Variants in LAMC1 observed in about 807,000 individuals in gnomAD.
LAMC1 encodes laminin subunit gamma 1.
Under a neutral mutation model 173.6 loss-of-function variants are expected in LAMC1, and 38 were observed. The ratio of observed to expected loss-of-function variants is 0.22; its 90% confidence interval spans 0.17 to 0.29. The LOEUF (loss-of-function observed/expected upper bound fraction) is 0.29. LAMC1 is among the 10% of genes least tolerant of loss of function. LAMC1 has a pLI of 1.00. For synonymous variants in LAMC1, 746 were observed against 749.1 expected (o/e 1.00, Z 0.07); for missense variants, 1,824 against 2,051.8 (o/e 0.89, Z 2.14).
intron 1 of LAMC1, among the ~76,000 whole-genome samples, chr1:183,073,611 A>G (rs1008373473): frequency 1.3e-5 from 2 of 152,224 alleles, no homozygotes; most frequent in African/African-American, 4.8e-5. Context: ...GTTAAGGTCA[A>G]GCCAGTTTGG....
intron 2 of LAMC1, 22 bp downstream of exon 2, chr1:183,103,654 T>A: frequency 6.6e-7 from 1 of 1,522,020 alleles, no homozygotes; most frequent in Non-Finnish European, 8.8e-7. Context: ...CAGGTTGGCC[T>A]GAAGCCAGCT....
intron 1 of LAMC1, among the ~76,000 whole-genome samples, chr1:183,082,424 G>A (rs1193771820): frequency 7.6e-4 from 115 of 152,192 alleles, no homozygotes; most frequent in Non-Finnish European, 1.9e-4. Flanking sequence ...AATGTTAAAT[G>A]TATTTTTGAT....
chr1:183,128,143 G>A (rs1322787668), intron 17 of LAMC1, among the ~76,000 whole-genome samples: 1 of 152,148 alleles, frequency 6.6e-6, no homozygotes, highest in Non-Finnish European at 1.5e-5. Context: ...AGAGAGAATA[G>A]AGGTAAGAGG....
At chr1:183,052,397 G>T (rs1654453395) in intron 1 of LAMC1, among the ~76,000 whole-genome samples, 1 of 151,886 alleles carries the variant, frequency 6.6e-6, no homozygotes, top group African/African-American at 2.4e-5. Context: ...GCAGTGGCAT[G>T]ATCTCGGCTC....
chr1:183,062,962 A>G (rs535532944), intron 1 of LAMC1, among the ~76,000 whole-genome samples: 1 of 152,306 alleles, frequency 6.6e-6, no homozygotes, highest in Non-Finnish European at 1.5e-5. Flanking sequence ...TCAAAAAATA[A>G]TAATAAAAAA....
chr1:183,110,681 C>A, intron 4 of LAMC1, 27 bp downstream of exon 4: 1 of 1,609,710 alleles, frequency 6.2e-7, no homozygotes, highest in South Asian at 1.1e-5. Flanking sequence ...GTCAGTCTGT[C>A]AGTTGTCTTA....
At chr1:183,049,848 T>C (rs1363489947) in intron 1 of LAMC1, among the ~76,000 whole-genome samples, 1 of 152,186 alleles carries the variant, frequency 6.6e-6, no homozygotes, top group Non-Finnish European at 1.5e-5. Context: ...TCATTCTGGA[T>C]TTTCTTCCTT....
At chr1:183,140,265 A>AAG in intron 26 of LAMC1, 139 bp from the exon 27 acceptor site, 1 of 421,056 alleles carries the variant, frequency 2.4e-6, no homozygotes, top group Non-Finnish European at 4.2e-6. Context: ...AAAAAAAAAA[A>AAG]GCAATGAGAG....
intron 20 of LAMC1, 48 bp downstream of exon 20, chr1:183,131,426 G>GTGTGTGTGTGT (rs199773324): frequency 9.9e-6 from 9 of 906,596 alleles, no homozygotes; most frequent in Admixed American, 6.9e-5. Context: ...CTTCTGTTAT[G>GTGTGTGTGTGT]GGGTGTGTGT....
At chr1:183,040,478 A>G (rs1654100643) in intron 1 of LAMC1, among the ~76,000 whole-genome samples, 1 of 152,256 alleles carries the variant, frequency 6.6e-6, no homozygotes. Flanking sequence ...CATAGCTTAC[A>G]AACAAGTTGG....
chr1:183,105,893 C>A (rs1655966885), intron 2 of LAMC1, among the ~76,000 whole-genome samples: 1 of 152,174 alleles, frequency 6.6e-6, no homozygotes, highest in Non-Finnish European at 1.5e-5. Context: ...TTGGTTTCAC[C>A]ATATTATAAG....
At chr1:183,041,275 G>A (rs1449222705) in intron 1 of LAMC1, among the ~76,000 whole-genome samples, 3 of 152,264 alleles carry the variant, frequency 2.0e-5, no homozygotes, top group African/African-American at 7.2e-5. Flanking sequence ...TTCAGTCATG[G>A]TAAACTGTTC....
chr1:183,064,895 T>G (rs570521930), intron 1 of LAMC1, among the ~76,000 whole-genome samples: 2 of 152,292 alleles, frequency 1.3e-5, no homozygotes, highest in Non-Finnish European at 2.9e-5. Flanking sequence ...TTTGCTAGGA[T>G]GCCATTCCAC....
intron 1 of LAMC1, among the ~76,000 whole-genome samples, chr1:183,055,467 A>G (rs1397902042): frequency 6.9e-6 from 1 of 144,298 alleles, no homozygotes; most frequent in Non-Finnish European, 1.6e-5. Flanking sequence ...AATATACCCT[A>G]TTGTGTAAAA....
At chr1:183,134,628 C>G (rs755540254) in intron 22 of LAMC1, 32 bp from the exon 23 acceptor site, 3 of 1,572,268 alleles carry the variant, frequency 1.9e-6, no homozygotes, top group Non-Finnish European at 2.6e-6. Flanking sequence ...ATGTTTTATC[C>G]AAAGTGTAGT....
At chr1:183,077,795 TAC>T (rs1571425392) in intron 1 of LAMC1, among the ~76,000 whole-genome samples, 1 of 147,230 alleles carries the variant, frequency 6.8e-6, no homozygotes. Context: ...TATATATATA[TAC>T]AGTAGCACAG....
At chr1:183,131,464 G>GTGTGTGTGT (rs1180833751) in intron 20 of LAMC1, 86 bp downstream of exon 20, 3 of 262,708 alleles carry the variant, frequency 1.1e-5, no homozygotes, top group South Asian at 1.0e-4. Context: ...TGTGTGTATT[G>GTGTGTGTGT]TCTTATCCCA....
intron 1 of LAMC1, among the ~76,000 whole-genome samples, chr1:183,093,135 T>G (rs893648954): frequency 1.3e-5 from 2 of 152,156 alleles, no homozygotes; most frequent in Non-Finnish European, 2.9e-5. Flanking sequence ...TTTAGGGCTC[T>G]CCCCTGTCTC....
At chr1:183,134,853 T>G (rs1174487896) in intron 23 of LAMC1, 44 bp downstream of exon 23, 1 of 1,592,868 alleles carries the variant, frequency 6.3e-7, no homozygotes, top group African/African-American at 1.4e-5. Flanking sequence ...AGGCAACATT[T>G]GAACAGTCCA....
Sources: gnomAD v4.1 joint callset for allele counts (sites outside exome capture counted in the v4.1 genomes callset) on GRCh38, gnomAD v4.1.1 for gene constraint, MANE v1.5 for transcripts, NCBI Gene and HGNC (gene_info 2026-07-23, HGNC 2026-07-21) for gene names.